RHOA: variants seen among roughly 807,000 people sequenced by gnomAD.
RHOA encodes the protein ras homolog family member A.
A neutral mutation model predicts 17.5 loss-of-function variants in RHOA; 3 were observed. That is an observed-to-expected ratio of 0.17 (90% confidence interval 0.08 to 0.44). RHOA has a LOEUF of 0.44. RHOA is among the 20% of genes least tolerant of loss of function. The probability of loss-of-function intolerance (pLI) is 0.99; values close to 1 mark genes in which losing one functional copy is unlikely to be tolerated. For missense variants in RHOA, 56 were observed against 242.3 expected (o/e 0.23, Z 5.10); for synonymous variants, 98 against 88.4 (o/e 1.11, Z -0.61).
At chr3:49,411,394 T>C (rs927145453) in intron 1 of RHOA, among the ~76,000 whole-genome samples, 12 of 152,232 alleles carry the variant, frequency 7.9e-5, no homozygotes, top group Admixed American at 7.2e-4. Flanking sequence ...AAAAGCAAAA[T>C]GGAGTTGTAA....
At chr3:49,360,758 TAA>T (rs763329032) in intron 4 of RHOA, among the ~76,000 whole-genome samples, 2 of 135,632 alleles carry the variant, frequency 1.5e-5, no homozygotes, top group Non-Finnish European at 1.6e-5. Context: ...GTACCCAGCC[TAA>T]AAAAAAAAAA....
chr3:49,403,724 T>G (rs2048765270), intron 1 of RHOA, among the ~76,000 whole-genome samples: 1 of 151,730 alleles, frequency 6.6e-6, no homozygotes, highest in Non-Finnish European at 1.5e-5. Flanking sequence ...GCCCTATGTC[T>G]AAAAAAAATA....
chr3:49,362,399 A>C lies in RHOA; in HGVS notation c.408+97T>G, dbSNP rs1301715089. ...AGAGGGGCTTCTGAGCCTCTAAAACAACCTGGCCTGTGAAGGTTCCTGCTG... is the reference window on the plus strand; with the variant it reads ...AGAGGGGCTTCTGAGCCTCTAAAACCACCTGGCCTGTGAAGGTTCCTGCTG... On this transcript the variant is annotated intron_variant, in intron 4 of 4. Coordinates refer to ENST00000418115, the MANE Select transcript of RHOA (RefSeq NM_001664.4). The C allele has an allele frequency of 1.5e-5, 21 of 1,367,436 alleles. No homozygotes were observed. In the Admixed American group the frequency reaches 3.4e-4, roughly 22 times the overall value. The allele number at this position is 1,367,436 out of a possible 1,614,324, so 84.7% of individuals were successfully genotyped here. A position where few individuals can be genotyped will look rare whatever the true frequency, so the allele number is the denominator to read the frequency against.
chr3:49,377,364 AG>A (rs545213442), intron 1 of RHOA, among the ~76,000 whole-genome samples: 225 of 152,258 alleles, frequency 1.5e-3, no homozygotes, highest in Non-Finnish European at 2.7e-3. Context: ...AGGCCGAAAC[AG>A]GTGGACTGCT....
intron 1 of RHOA, among the ~76,000 whole-genome samples, chr3:49,378,389 G>C (rs1294946649): frequency 6.6e-6 from 1 of 151,242 alleles, no homozygotes; most frequent in Non-Finnish European, 1.5e-5. Context: ...TGGGACCACA[G>C]GCATGCGCCA....
In RHOA at chr3:49,375,563, C is replaced by T. The variant is rs148761736; in HGVS notation, c.27G>A (p.Val9=). 4.8e-4 allele frequency: 768 copies of T among 1,613,688 alleles called. 6 individuals carry two copies. The African/African-American group carries it at 8.6e-3, about 18-fold the overall frequency. Residue 9 remains valine (V), a synonymous_variant, in exon 2 of 5, where the codon GTG becomes GTA. Transcript: ENST00000418115. ...TTCCACAGGCTCCATCACCAACAAT[C>T]ACCAGTTTCTTCCGGATGGCAGCCA... MAAIRKKL[V]IVGDGACGKT...
chr3:49,381,266 G>A (rs929962484), intron 1 of RHOA, among the ~76,000 whole-genome samples: 1 of 151,832 alleles, frequency 6.6e-6, no homozygotes, highest in Non-Finnish European at 1.5e-5. Flanking sequence ...TAAGTTGGAC[G>A]TAGTGGCATG....
chr3:49,409,295 C>T (rs147848369), intron 1 of RHOA, among the ~76,000 whole-genome samples: 1 of 151,676 alleles, frequency 6.6e-6, no homozygotes, highest in African/African-American at 2.4e-5. Context: ...CTCCAGGGGC[C>T]GAGGCAGGAG....
intron 3 of RHOA, among the ~76,000 whole-genome samples, chr3:49,367,342 C>CCAAAAAAAAAAAAAAAA (rs2048073024): frequency 1.2e-5 from 1 of 80,482 alleles, no homozygotes; most frequent in African/African-American, 5.1e-5. Context: ...GACTCCCTCT[C>CCAAAAAAAAAAAAAAAA]AAAAAAAAAA....
At chr3:49,384,044 A>G (rs1050266793) in intron 1 of RHOA, among the ~76,000 whole-genome samples, 1 of 152,156 alleles carries the variant, frequency 6.6e-6, no homozygotes, top group Non-Finnish European at 1.5e-5. Flanking sequence ...AAAAGAAAGA[A>G]AAGAAAAAGA....
intron 1 of RHOA, 62 bp from the exon 2 acceptor site, chr3:49,375,653 T>C (rs2107850656): frequency 6.5e-7 from 1 of 1,546,460 alleles, no homozygotes; most frequent in Non-Finnish European, 8.8e-7. Flanking sequence ...GCTTACAGGA[T>C]GACACATGCT....
chr3:49,388,205 G>A (rs185804992), intron 1 of RHOA, among the ~76,000 whole-genome samples: 4 of 151,974 alleles, frequency 2.6e-5, no homozygotes, highest in East Asian at 1.9e-4. Flanking sequence ...TGTGTGTGTG[G>A]AGACGGGGTT....
At chr3:49,407,899 C>T (rs1309541270) in intron 1 of RHOA, among the ~76,000 whole-genome samples, 1 of 152,120 alleles carries the variant, frequency 6.6e-6, no homozygotes, top group East Asian at 1.9e-4. Flanking sequence ...TAGTGGCTCT[C>T]ACCTGCAATC....
intron 1 of RHOA, among the ~76,000 whole-genome samples, chr3:49,388,259 A>C (rs1170939482): frequency 1.3e-5 from 2 of 151,858 alleles, no homozygotes; most frequent in Non-Finnish European, 1.5e-5. Flanking sequence ...GGGCTCAGTG[A>C]TGAACTCCTG....
At chr3:49,375,321 C>T in intron 2 of RHOA, 113 bp downstream of exon 2, 1 of 999,192 alleles carries the variant, frequency 1.0e-6, no homozygotes, top group Non-Finnish European at 1.4e-6. Flanking sequence ...TTCTTCTTTC[C>T]AACATTTTTG....
chr3:49,360,738 A>G (rs1326419695), intron 4 of RHOA, among the ~76,000 whole-genome samples: 2 of 150,802 alleles, frequency 1.3e-5, no homozygotes, highest in Non-Finnish European at 3.0e-5. Flanking sequence ...GGATACAGGC[A>G]TGAGCCACTG....
At chr3:49,404,668 G>A (rs981725426) in intron 1 of RHOA, among the ~76,000 whole-genome samples, 6 of 141,740 alleles carry the variant, frequency 4.2e-5, no homozygotes, top group East Asian at 2.1e-4. Context: ...GTGGCTCACG[G>A]CTGTAATCCT....
At chr3:49,408,094 G>A (rs1405977479) in intron 1 of RHOA, among the ~76,000 whole-genome samples, 8 of 151,868 alleles carry the variant, frequency 5.3e-5, no homozygotes, top group Non-Finnish European at 1.2e-4. Context: ...AGGAGGCGGC[G>A]GTTGCAGTGA....
At chr3:49,381,989 A>T (rs948113650) in intron 1 of RHOA, among the ~76,000 whole-genome samples, 1 of 151,670 alleles carries the variant, frequency 6.6e-6, no homozygotes, top group Admixed American at 6.6e-5. Flanking sequence ...GTTTGAGACC[A>T]GCTTGGGCAA....
Sources: gnomAD v4.1 joint callset for allele counts (sites outside exome capture counted in the v4.1 genomes callset) on GRCh38, gnomAD v4.1.1 for gene constraint, MANE v1.5 for transcripts, NCBI Gene and HGNC (gene_info 2026-07-23, HGNC 2026-07-21) for gene names.